Variants in BICDL1 observed in about 807,000 individuals in gnomAD.
The protein encoded by BICDL1 is BICD family-like cargo adapter 1.
A neutral mutation model predicts 76.8 loss-of-function variants in BICDL1; 20 were observed. The observed-to-expected ratio is 0.26, with a 90% CI of 0.18 to 0.38. The LOEUF is 0.38. Among genes scored for constraint, BICDL1 ranks in the 10% least tolerant of loss-of-function variants. BICDL1 has a pLI of 1.00. For missense variants in BICDL1, 700 were observed against 798.6 expected (o/e 0.88, Z 1.49); for synonymous variants, 383 against 337.1 (o/e 1.14, Z -1.49).
Position 120,071,666 on chromosome 12 carries a change from C to T in BICDL1, c.954C>T (p.Cys318=), listed in dbSNP as rs1873113730. ...AGCTTCAGGAGGTGCGTCTCTCCTG[C>T]CGACAGCTGCAGGTGAAGGTGGAAG... The part of the protein sequence containing the change: ...QLELQEVRLS[C]RQLQVKVEEL... Residue 318 remains cysteine (C), a synonymous_variant, in exon 5 of 10, where the codon TGC becomes TGT. Coordinates refer to ENST00000548673, the MANE Select transcript of BICDL1 (RefSeq NM_001367886.1). The surrounding 1 kb of genome is among the most constrained non-coding windows in gnomAD (Gnocchi z 4.8). The T allele has an allele frequency of 3.7e-6, 6 of 1,612,408 alleles. No individual in the cohort carries two copies. The highest frequency in any genetic ancestry group is 5.1e-6 in the Non-Finnish European group (6 of 1,179,652).
rs1392455276 is a variant in BICDL1, at chr12:120,093,108, G to C, written c.1813G>C (p.Glu605Gln). 6.2e-7 allele frequency: 1 copy of C among 1,613,506 alleles called. No homozygotes were observed. Among genetic ancestry groups the C allele is most frequent in the East Asian group, 2.2e-5 (1 of 44,876 alleles). ...CRGHSAGRGDEPSIAEGKRLF... is the reference protein window; with the variant it reads ...CRGHSAGRGDQPSIAEGKRLF... ...GGGCCACAGCGCTGGGCGGGGGGAT[G>C]AGCCCAGCATCGCTGAAGGCAAACG... is the stretch of plus-strand genomic sequence containing the variant. The change falls in exon 10 of 10, where the codon GAG (glutamate) becomes CAG (glutamine). Residue 605 changes from glutamate (E) to glutamine (Q), a missense_variant. This residue lies in a region of BICDL1 where 455 missense variants were observed against 548.7 expected (regional missense o/e 0.83). Coordinates refer to ENST00000548673, the MANE Select transcript of BICDL1 (RefSeq NM_001367886.1).
intron 2 of BICDL1, among the ~76,000 whole-genome samples, chr12:120,037,800 A>AATAT (rs1479748143): frequency 6.6e-6 from 1 of 152,188 alleles, no homozygotes; most frequent in Non-Finnish European, 1.5e-5. Context: ...ACTTTTTTAT[A>AATAT]ATATGAGTTT....
At chr12:120,051,625 C>T (rs1594169310) in intron 2 of BICDL1, among the ~76,000 whole-genome samples, 1 of 152,068 alleles carries the variant, frequency 6.6e-6, no homozygotes. Flanking sequence ...CTTGGGGGCA[C>T]AACTAGTCTA....
chr12:120,026,196 A>C (rs1366477054), intron 2 of BICDL1, among the ~76,000 whole-genome samples: 1 of 152,198 alleles, frequency 6.6e-6, no homozygotes, highest in African/African-American at 2.4e-5. Context: ...CGACAAGTGC[A>C]GTTCATCAAT....
chr12:119,991,199 G>A (rs552578781), intron 1 of BICDL1, among the ~76,000 whole-genome samples: 143 of 152,270 alleles, frequency 9.4e-4, no homozygotes, highest in Non-Finnish European at 1.7e-3. Context: ...TACCTTTCCT[G>A]CCTGTGCGTT....
At chr12:120,059,530 T>C (rs907080708) in intron 2 of BICDL1, among the ~76,000 whole-genome samples, 28 of 151,988 alleles carry the variant, frequency 1.8e-4, no homozygotes, top group Admixed American at 1.8e-3. Context: ...CACCTCGGCC[T>C]CTCAAAGTGT....
At chr12:120,003,075 T>A (rs1951787896) in intron 2 of BICDL1, among the ~76,000 whole-genome samples, 1 of 150,864 alleles carries the variant, frequency 6.6e-6, no homozygotes, top group East Asian at 1.9e-4. Context: ...GGAGAATCGC[T>A]GGAACCTGGG....
chr12:120,018,140 C>A (rs995897901), intron 2 of BICDL1, among the ~76,000 whole-genome samples: 2 of 152,144 alleles, frequency 1.3e-5, no homozygotes, highest in African/African-American at 2.4e-5. Context: ...GCAGCTTTTG[C>A]GCTGGATACC....
intron 3 of BICDL1, among the ~76,000 whole-genome samples, chr12:120,064,073 G>C (rs1257519630): frequency 6.6e-6 from 1 of 152,224 alleles, no homozygotes; most frequent in Non-Finnish European, 1.5e-5. Context: ...CTTCACGAAT[G>C]ACTCGCTCAG....
intron 2 of BICDL1, among the ~76,000 whole-genome samples, chr12:120,024,897 C>T (rs964386771): frequency 6.6e-5 from 10 of 151,988 alleles, no homozygotes; most frequent in Admixed American, 3.9e-4. Context: ...AGACTGGTTT[C>T]GAACTCCTGA....
chr12:120,088,988 T>C (rs1169832167), intron 8 of BICDL1, among the ~76,000 whole-genome samples: 14 of 152,242 alleles, frequency 9.2e-5, no homozygotes, highest in Non-Finnish European at 1.5e-5. Context: ...TACTGGTGAC[T>C]GTATTCCATC....
chr12:120,093,295 G>C lies in BICDL1; in HGVS notation c.*134G>C. On this transcript the variant is annotated 3_prime_UTR_variant, in exon 10 of 10. Transcript: ENST00000548673. ...ATGCTAGGGCCCCATGGGTCCGGGA[G>C]GGCCTGCTCCCTTTCGTCGGTGGGG... 6 of 1,047,816 alleles carry C rather than the reference G, an allele frequency of 5.7e-6. No homozygotes were observed. Among genetic ancestry groups the C allele is most frequent in the Non-Finnish European group, 8.2e-6 (6 of 728,480 alleles). 64.9% of individuals were successfully genotyped at this position (1,047,816 alleles called of 1,614,324 possible).
chr12:120,001,488 T>C (rs1411303831), intron 2 of BICDL1, among the ~76,000 whole-genome samples: 1 of 152,158 alleles, frequency 6.6e-6, no homozygotes, highest in African/African-American at 2.4e-5. Flanking sequence ...CCTTGTGATC[T>C]GCCCGCCTCG....
chr12:120,064,375 C>T (rs1011905803), intron 3 of BICDL1, among the ~76,000 whole-genome samples: 10 of 152,194 alleles, frequency 6.6e-5, no homozygotes, highest in Middle Eastern at 3.4e-3. Flanking sequence ...TTAGGTTCCA[C>T]TCCTCCTGCC....
intron 9 of BICDL1, 65 bp downstream of exon 9, chr12:120,090,136 A>G: frequency 1.3e-6 from 2 of 1,582,144 alleles, no homozygotes; most frequent in Non-Finnish European, 1.7e-6. Context: ...ACCCAGGCAG[A>G]GTGTAAGGAG....
intron 2 of BICDL1, among the ~76,000 whole-genome samples, chr12:120,056,823 A>C (rs1952984444): frequency 6.6e-6 from 1 of 152,126 alleles, no homozygotes; most frequent in African/African-American, 2.4e-5. Flanking sequence ...GGGGAACCTG[A>C]GGCCAGGCCT....
At chr12:119,995,260 C>T (rs1180036993) in intron 1 of BICDL1, among the ~76,000 whole-genome samples, 5 of 152,180 alleles carry the variant, frequency 3.3e-5, no homozygotes, top group Non-Finnish European at 7.3e-5. Flanking sequence ...TTTCTCAGAG[C>T]AGATGCTAAA....
At chr12:119,995,460 G>A (rs1386962094) in intron 1 of BICDL1, among the ~76,000 whole-genome samples, 2 of 152,110 alleles carry the variant, frequency 1.3e-5, no homozygotes, top group African/African-American at 4.8e-5. Flanking sequence ...TGCTTGGTTG[G>A]GCTCTTCACT....
chr12:120,043,724 A>T (rs1952690178), intron 2 of BICDL1, among the ~76,000 whole-genome samples: 1 of 152,186 alleles, frequency 6.6e-6, no homozygotes, highest in South Asian at 2.1e-4. Context: ...CTTAAAGTTA[A>T]TCCCACTTCT....
Sources: gnomAD v4.1 joint callset for allele counts (sites outside exome capture counted in the v4.1 genomes callset) on GRCh38, gnomAD v4.1.1 for gene constraint, gnomAD v4.1.1 regional missense constraint, Gnocchi (gnomAD v3.1) non-coding constraint, MANE v1.5 for transcripts, NCBI Gene and HGNC (gene_info 2026-07-23, HGNC 2026-07-21) for gene names.